The following AFG2A variants were observed in gnomAD, a reference collection of about 807,000 sequenced individuals.
AFG2A encodes the protein AAA ATPase AFG2A, also known as ATPase family gene 2 protein homolog A.
the AFG2A span, among the ~76,000 whole-genome samples, chr4:123,081,791 G>C: frequency 6.6e-6 from 1 of 152,150 alleles, no homozygotes; most frequent in Admixed American, 6.5e-5. Flanking sequence ...TTGCTTCACA[G>C]CTTCATCAGC....
the AFG2A span, among the ~76,000 whole-genome samples, chr4:123,017,050 G>A: frequency 6.6e-6 from 1 of 152,018 alleles, no homozygotes; most frequent in African/African-American, 2.4e-5. Context: ...CAGGGAGGCT[G>A]CAGTGAGCCG....
At chr4:123,012,128 C>T in the AFG2A span, among the ~76,000 whole-genome samples, 16 of 25,256 alleles carry the variant, frequency 6.3e-4, no homozygotes, top group Admixed American at 3.3e-3. Context: ...TGGAGAGAAG[C>T]GGTGGGGATG....
the AFG2A span, among the ~76,000 whole-genome samples, chr4:123,138,995 C>G: frequency 6.6e-6 from 1 of 151,984 alleles, no homozygotes; most frequent in African/African-American, 2.4e-5. Context: ...CATTATCCAC[C>G]TAAAATGTTC....
At chr4:123,080,076 C>T in the AFG2A span, among the ~76,000 whole-genome samples, 1 of 152,056 alleles carries the variant, frequency 6.6e-6, no homozygotes, top group African/African-American at 2.4e-5. Flanking sequence ...TACACTATCC[C>T]CTTTATTCCT....
At chr4:123,018,640 CTT>C in the AFG2A span, among the ~76,000 whole-genome samples, 1 of 145,128 alleles carries the variant, frequency 6.9e-6, no homozygotes. Context: ...TAATAATAAG[CTT>C]TTTTTTTTTG....
chr4:123,285,332 G>A, the AFG2A span, among the ~76,000 whole-genome samples: 1 of 152,046 alleles, frequency 6.6e-6, no homozygotes, highest in African/African-American at 2.4e-5. Context: ...TATGGAGCTG[G>A]GCTTAAGTGT....
At chr4:122,950,116 G>A in the AFG2A span, among the ~76,000 whole-genome samples, 3 of 152,192 alleles carry the variant, frequency 2.0e-5, no homozygotes. Context: ...ACATGATGGG[G>A]TGATGAGAAT....
chr4:122,947,949 A>G, the AFG2A span, among the ~76,000 whole-genome samples: 1 of 152,128 alleles, frequency 6.6e-6, no homozygotes, highest in Admixed American at 6.5e-5. Flanking sequence ...TTTTTTGGAG[A>G]TTTGCAACAA....
At chr4:122,925,625 C>T in the AFG2A span, among the ~76,000 whole-genome samples, 4 of 152,208 alleles carry the variant, frequency 2.6e-5, no homozygotes, top group African/African-American at 9.6e-5. Context: ...AGTTCCTACT[C>T]TTCTTTCAGA....
At chr4:122,998,917 T>G in the AFG2A span, among the ~76,000 whole-genome samples, 1 of 152,108 alleles carries the variant, frequency 6.6e-6, no homozygotes, top group Non-Finnish European at 1.5e-5. Flanking sequence ...AACTGGTTTA[T>G]AGTCCCACCA....
At chr4:123,299,084 C>T in the AFG2A span, among the ~76,000 whole-genome samples, 1 of 151,130 alleles carries the variant, frequency 6.6e-6, no homozygotes, top group Middle Eastern at 3.4e-3. Flanking sequence ...CTTAAACTTA[C>T]ACCACATCTT....
At chr4:122,986,667 C>A in the AFG2A span, among the ~76,000 whole-genome samples, 1 of 152,094 alleles carries the variant, frequency 6.6e-6, no homozygotes, top group Non-Finnish European at 1.5e-5. Context: ...GTGATGACTG[C>A]ACCAAAATGT....
chr4:123,168,025 A>T, the AFG2A span, among the ~76,000 whole-genome samples: 1 of 152,216 alleles, frequency 6.6e-6, no homozygotes, highest in Non-Finnish European at 1.5e-5. Flanking sequence ...TTTATATTCA[A>T]AACTCCAGTA....
chr4:123,273,866 C>T, the AFG2A span, among the ~76,000 whole-genome samples: 5 of 152,116 alleles, frequency 3.3e-5, no homozygotes, highest in Admixed American at 6.6e-5. Flanking sequence ...AATTCAAATA[C>T]TTCTGGTTTC....
chr4:123,017,249 GGAGAGCGAGAGCGAGAGC>G, the AFG2A span, among the ~76,000 whole-genome samples: 72 of 133,478 alleles, frequency 5.4e-4, 1 homozygote, highest in African/African-American at 2.1e-3. Flanking sequence ...AGAGGGAGAG[GGAGAGCGAGAGCGAGAGC>G]GAGAGCGAGA....
chr4:123,189,962 C>CTGGCTAATT, the AFG2A span, among the ~76,000 whole-genome samples: 1 of 151,578 alleles, frequency 6.6e-6, no homozygotes, highest in Non-Finnish European at 1.5e-5. Context: ...TGCACCACAC[C>CTGGCTAATT]TGGCTAATTT....
At chr4:123,071,307 C>G in the AFG2A span, among the ~76,000 whole-genome samples, 1 of 152,004 alleles carries the variant, frequency 6.6e-6, no homozygotes, top group Non-Finnish European at 1.5e-5. Flanking sequence ...ATGGAGAAAC[C>G]CCGTCTCTAC....
the AFG2A span, among the ~76,000 whole-genome samples, chr4:123,238,039 T>G: frequency 6.6e-6 from 1 of 152,230 alleles, no homozygotes; most frequent in Non-Finnish European, 1.5e-5. Flanking sequence ...GTGCCTGGCT[T>G]GGCAGATCCA....
the AFG2A span, among the ~76,000 whole-genome samples, chr4:123,211,217 C>T: frequency 1.3e-5 from 2 of 152,104 alleles, no homozygotes; most frequent in Non-Finnish European, 2.9e-5. Context: ...CATAAAAGTG[C>T]TTATATATGT....
Sources: allele counts gnomAD v4.1 joint callset (sites outside exome capture counted in the v4.1 genomes callset), GRCh38; gene constraint gnomAD v4.1.1; transcripts MANE v1.5; gene names NCBI Gene and HGNC (gene_info 2026-07-23, HGNC 2026-07-21).